The following VPS53 variants were observed in gnomAD, a reference collection of about 807,000 sequenced individuals.
VPS53 encodes vacuolar protein sorting-associated protein 53 homolog.
A neutral mutation model predicts 107.0 loss-of-function variants in VPS53; 70 were observed. The observed-to-expected ratio is 0.65, with a 90% CI of 0.54 to 0.80. The LOEUF (loss-of-function observed/expected upper bound fraction) is 0.80, where lower values mean the gene tolerates loss of function less well. VPS53 is among the 30% of genes least tolerant of loss of function. VPS53 has a pLI of 0.00. For missense variants in VPS53, 917 were observed against 1,049.4 expected, an observed-to-expected ratio of 0.87 and a Z score of 1.74; for synonymous variants, 409 against 393.3, an observed-to-expected ratio of 1.04 and a Z score of -0.47.
At chr17:600,147 C>T (rs907720600) in intron 12 of VPS53, 2 of 152,202 alleles carry the variant, frequency 1.3e-5, no homozygotes, top group Non-Finnish European at 2.9e-5. Flanking sequence ...TTTTACCTGG[C>T]AAAACTGATT....
chr17:589,333 T>C (rs768816044), intron 12 of VPS53, among the ~76,000 whole-genome samples: 6 of 152,062 alleles, frequency 3.9e-5, no homozygotes, highest in Non-Finnish European at 7.4e-5. Flanking sequence ...ATTATGAAAA[T>C]CTTTAAAAGC....
At chr17:691,079 G>C (rs1972760352) in intron 4 of VPS53, among the ~76,000 whole-genome samples, 1 of 152,142 alleles carries the variant, frequency 6.6e-6, no homozygotes, top group Non-Finnish European at 1.5e-5. Context: ...CTGACAAACA[G>C]CTATCAAGAG....
At chr17:611,829 AT>A (rs1968891332) in intron 11 of VPS53, among the ~76,000 whole-genome samples, 1 of 152,098 alleles carries the variant, frequency 6.6e-6, no homozygotes. Flanking sequence ...CAAATAGTGA[AT>A]TCACACAGTG....
intron 4 of VPS53, among the ~76,000 whole-genome samples, chr17:685,442 C>A (rs1972551162): frequency 6.6e-6 from 1 of 152,102 alleles, no homozygotes; most frequent in African/African-American, 2.4e-5. Flanking sequence ...CTCTGTTTTT[C>A]ACTTTCTGTA....
chr17:656,720 G>A lies in VPS53; in HGVS notation c.373-767C>T, dbSNP rs573766852. 4.0e-5 allele frequency: 27 copies of A among 682,762 alleles called. 1 individual carries two copies. The East Asian group carries it at 5.0e-4, about 13-fold the overall frequency. 42.3% of individuals were successfully genotyped at this position (682,762 alleles called of 1,614,324 possible). On this transcript the variant is annotated intron_variant, in intron 5 of 21. Transcript: ENST00000437048. ...AAGAAATGTGTGTGTGTGTGTGTGT[G>A]TGTGTGTGTGTTTTATCATGCCACA... is the stretch of plus-strand genomic sequence containing the variant.
At chr17:585,150 G>C (rs565948258) in intron 13 of VPS53, among the ~76,000 whole-genome samples, 1 of 152,334 alleles carries the variant, frequency 6.6e-6, no homozygotes, top group South Asian at 2.1e-4. Flanking sequence ...ATTGAAGACA[G>C]TTGGCAGGTA....
chr17:691,760 G>A (rs193200972), intron 4 of VPS53, among the ~76,000 whole-genome samples: 21 of 152,260 alleles, frequency 1.4e-4, no homozygotes, highest in East Asian at 3.9e-4. Context: ...CAGCCATCTC[G>A]GCTATTACAT....
At chr17:710,923 C>T (rs766332973) in intron 1 of VPS53, among the ~76,000 whole-genome samples, 3 of 151,894 alleles carry the variant, frequency 2.0e-5, no homozygotes, top group Non-Finnish European at 2.9e-5. Flanking sequence ...CCAGTCTGGG[C>T]GAAAGAGCAA....
At chr17:711,534 G>A (rs1973641942) in intron 1 of VPS53, among the ~76,000 whole-genome samples, 3 of 152,122 alleles carry the variant, frequency 2.0e-5, no homozygotes, top group African/African-American at 4.8e-5. Flanking sequence ...CATATACACA[G>A]GTTATTTACA....
At chr17:610,671 T>C (rs1968820754) in intron 11 of VPS53, among the ~76,000 whole-genome samples, 1 of 150,300 alleles carries the variant, frequency 6.7e-6, no homozygotes. Flanking sequence ...ATCCCAGCAC[T>C]ATGAGAGGTC....
chr17:696,781 A>T (rs1972982512), intron 4 of VPS53, among the ~76,000 whole-genome samples: 1 of 139,544 alleles, frequency 7.2e-6, no homozygotes, highest in South Asian at 2.3e-4. Context: ...ATCCAATAAG[A>T]CTTATAAAAC....
rs1452673839 is a variant in VPS53, at chr17:515,630, A to G, written c.*3498T>C. On this transcript the variant is annotated 3_prime_UTR_variant, in exon 22 of 22. Coordinates refer to ENST00000437048, the MANE Select transcript of VPS53 (RefSeq NM_001128159.3). ...CACCTCAGCCTCTCAAAGCACTGGC[A>G]TTACAGGTGTGATGCCACAGTACCC... 6.6e-6 allele frequency: 1 copy of G among 152,112 alleles called. No individual in the cohort carries two copies. Among genetic ancestry groups the G allele is most frequent in the African/African-American group, 2.4e-5 (1 of 41,402 alleles). The allele number at this position is 152,112 out of a possible 1,614,324, so 9.4% of individuals were successfully genotyped here. A position where few individuals can be genotyped will look rare whatever the true frequency, so the allele number is the denominator to read the frequency against.
intron 4 of VPS53, among the ~76,000 whole-genome samples, chr17:664,873 G>A (rs1162063819): frequency 1.3e-5 from 2 of 152,134 alleles, no homozygotes; most frequent in Non-Finnish European, 2.9e-5. Flanking sequence ...CAAGGATGAC[G>A]CCCGGGTTTT....
In VPS53 at chr17:520,076, G is replaced by A. The variant is rs761910739; in HGVS notation, c.2224-146C>T. 15 of 623,956 alleles carry A rather than the reference G, an allele frequency of 2.4e-5. No individual in the cohort carries two copies. The highest frequency in any genetic ancestry group is 5.5e-5 in the African/African-American group (3 of 54,206). The allele number at this position is 623,956 out of a possible 1,614,324, so 38.7% of individuals were successfully genotyped here. On this transcript the variant is annotated intron_variant, in intron 20 of 21. Transcript: ENST00000437048. This position sits in a 1 kb window ranked among gnomAD's most constrained non-coding sequence, Gnocchi z 4.4. ...AGGAAAACTCACTCCTCACTTGCCC[G>A]CCGAGCGCTAAATGGATTCTGAGAG...
At chr17:618,420 T>C (rs1303217183) in intron 11 of VPS53, among the ~76,000 whole-genome samples, 18 of 134,600 alleles carry the variant, frequency 1.3e-4, no homozygotes, top group African/African-American at 4.9e-4. Flanking sequence ...CCCACTAATA[T>C]TTCCCGGGTA....
chr17:648,867 G>A (rs113947140), intron 7 of VPS53, among the ~76,000 whole-genome samples: 18 of 133,080 alleles, frequency 1.4e-4, no homozygotes, highest in African/African-American at 4.7e-4. Flanking sequence ...ATCTTACACT[G>A]GAGGACAGAG....
At chr17:534,858 C>T (rs545216545) in intron 18 of VPS53, among the ~76,000 whole-genome samples, 1 of 150,254 alleles carries the variant, frequency 6.7e-6, no homozygotes, top group African/African-American at 2.5e-5. Context: ...ATGGGGGCTG[C>T]AGTGAGCTGT....
chr17:704,992 A>G (rs1470540245), intron 2 of VPS53, among the ~76,000 whole-genome samples: 2 of 152,222 alleles, frequency 1.3e-5, no homozygotes, highest in African/African-American at 2.4e-5. Flanking sequence ...AGACAATCAC[A>G]CAGTATATCA....
intron 1 of VPS53, 30 bp downstream of exon 1, chr17:714,593 G>A: frequency 6.3e-7 from 1 of 1,585,734 alleles, no homozygotes; most frequent in Non-Finnish European, 8.6e-7. Context: ...CCGCACTCCC[G>A]TTTCCCCTCC....
Sources: allele counts gnomAD v4.1 joint callset (sites outside exome capture counted in the v4.1 genomes callset), GRCh38; gene constraint gnomAD v4.1.1; non-coding constraint Gnocchi (gnomAD v3.1); transcripts MANE v1.5; gene names NCBI Gene and HGNC (gene_info 2026-07-23, HGNC 2026-07-21).